The following ZNF385D variants were observed in gnomAD, a reference collection of about 807,000 sequenced individuals.
ZNF385D encodes zinc finger protein 659.
A neutral mutation model predicts 35.8 loss-of-function variants in ZNF385D; 15 were observed. The observed-to-expected ratio is 0.42, with a 90% confidence interval of 0.28 to 0.64. The LOEUF (loss-of-function observed/expected upper bound fraction) is 0.64, where lower values mean the gene tolerates loss of function less well. Among genes scored for constraint, ZNF385D ranks in the 30% least tolerant of loss-of-function variants. The pLI, the probability that ZNF385D is intolerant of heterozygous loss-of-function variation, is 0.23. For synonymous variants in ZNF385D, 212 were observed against 186.8 expected, an observed-to-expected ratio of 1.13 and a Z score of -1.10; for missense variants, 474 against 494.6, an observed-to-expected ratio of 0.96 and a Z score of 0.39.
chr3:21,686,006 G>A (rs1363330652), intron 1 of ZNF385D, among the ~76,000 whole-genome samples: 1 of 152,170 alleles, frequency 6.6e-6, no homozygotes, highest in Non-Finnish European at 1.5e-5. Flanking sequence ...GGTGGTCACA[G>A]ATGTCCAGCC....
chr3:22,214,105 G>C (rs147319440), intron 2 of ZNF385D, among the ~76,000 whole-genome samples: 2 of 152,044 alleles, frequency 1.3e-5, no homozygotes, highest in Non-Finnish European at 2.9e-5. Context: ...CATGGCAGAA[G>C]AACATGGATT....
intron 2 of ZNF385D, among the ~76,000 whole-genome samples, chr3:22,361,157 A>C (rs1696391375): frequency 6.6e-6 from 1 of 152,094 alleles, no homozygotes; most frequent in Non-Finnish European, 1.5e-5. Flanking sequence ...AAACAAATTC[A>C]TTGAATAACA....
chr3:22,293,624 A>G (rs1299667584), intron 2 of ZNF385D, among the ~76,000 whole-genome samples: 1 of 152,124 alleles, frequency 6.6e-6, no homozygotes, highest in East Asian at 1.9e-4. Flanking sequence ...ATTTTTTGGC[A>G]AAAGAATGCT....
chr3:21,778,442 T>G (rs1273027164), intron 3 of ZNF385D, among the ~76,000 whole-genome samples: 3 of 151,850 alleles, frequency 2.0e-5, no homozygotes, highest in Non-Finnish European at 4.4e-5. Flanking sequence ...CAAGTCCCAT[T>G]TCCTATTCAT....
At chr3:22,179,432 A>T (rs919406317) in intron 2 of ZNF385D, among the ~76,000 whole-genome samples, 1 of 152,252 alleles carries the variant, frequency 6.6e-6, no homozygotes, top group African/African-American at 2.4e-5. Flanking sequence ...TTGCACACTG[A>T]TTTTGTATCC....
chr3:21,462,097 G>A (rs574287383), intron 4 of ZNF385D, among the ~76,000 whole-genome samples: 9 of 152,156 alleles, frequency 5.9e-5, no homozygotes, highest in Non-Finnish European at 1.0e-4. Flanking sequence ...ATCATGTTCA[G>A]TAGCAAAACA....
At chr3:22,135,414 A>T (rs1704045336) in intron 3 of ZNF385D, among the ~76,000 whole-genome samples, 1 of 152,312 alleles carries the variant, frequency 6.6e-6, no homozygotes, top group African/African-American at 2.4e-5. Flanking sequence ...AATTTATAAT[A>T]GTTTCAAACA....
At chr3:21,711,212 T>C (rs2068095467) in intron 1 of ZNF385D, among the ~76,000 whole-genome samples, 1 of 151,656 alleles carries the variant, frequency 6.6e-6, no homozygotes, top group East Asian at 1.9e-4. Context: ...CGGCTAATTT[T>C]TGGTATTTTT....
chr3:21,774,736 T>G (rs931055323), intron 3 of ZNF385D, among the ~76,000 whole-genome samples: 1 of 151,892 alleles, frequency 6.6e-6, no homozygotes, highest in African/African-American at 2.4e-5. Context: ...AAGAATAACA[T>G]GATTTTGGCT....
At chr3:21,636,313 GATATAGAT>G (rs1162755927) in intron 2 of ZNF385D, among the ~76,000 whole-genome samples, 9 of 130,932 alleles carry the variant, frequency 6.9e-5, no homozygotes, top group African/African-American at 2.6e-4. Flanking sequence ...GAGATATATA[GATATAGAT>G]ATATAGATAT....
At chr3:21,450,952 T>C (rs2125278709) in intron 4 of ZNF385D, among the ~76,000 whole-genome samples, 1 of 152,300 alleles carries the variant, frequency 6.6e-6, no homozygotes, top group African/African-American at 2.4e-5. Context: ...TTTAATTAAC[T>C]TAAGTTGAAT....
At chr3:21,524,746 T>C (rs995151125) in intron 3 of ZNF385D, among the ~76,000 whole-genome samples, 1 of 152,094 alleles carries the variant, frequency 6.6e-6, no homozygotes, top group African/African-American at 2.4e-5. Context: ...GAGTTAAAAT[T>C]GTAGTGGATG....
rs557965678 is a variant in ZNF385D, at chr3:22,149,364, A to G, written c.325+19453T>C. ...AAGGTTAACTATGTTTGCACTAAAT[A>G]CATTACCTAAATTACCCTATTTAAT... On this transcript the variant is annotated intron_variant, in intron 3 of 5. Transcript: ENST00000494108. 2.6e-5 allele frequency among the ~76,000 whole-genome samples: 4 copies of G among 152,316 alleles called. No homozygotes were observed. The South Asian group carries it at 6.2e-4, about 24-fold the overall frequency.
Position 21,539,890 on chromosome 3 carries a change from A to G in ZNF385D, c.276+24684T>C, listed in dbSNP as rs888870822. ...GATTTTGAGCAATTGATTTTAAAAT[A>G]TTTACTTCTCTATGTCTTTTTAAAC... On this transcript the variant is annotated intron_variant, in intron 3 of 7. Coordinates refer to ENST00000281523, the MANE Select transcript of ZNF385D (RefSeq NM_024697.3). This position sits in a 1 kb window ranked among gnomAD's most constrained non-coding sequence, Gnocchi z 4.0. Among the ~76,000 whole-genome samples the G allele has an allele frequency of 1.2e-4, 19 of 152,108 alleles. No individual in the cohort carries two copies. The highest frequency in any genetic ancestry group is 2.5e-4 in the Non-Finnish European group (17 of 68,000).
intron 4 of ZNF385D, among the ~76,000 whole-genome samples, chr3:21,439,081 C>T (rs879504765): frequency 9.2e-5 from 14 of 151,764 alleles, no homozygotes; most frequent in South Asian, 2.1e-4. Flanking sequence ...AGCTAATTTG[C>T]GAAGTGTTTT....
chr3:21,462,358 T>C (rs148778816), intron 4 of ZNF385D, among the ~76,000 whole-genome samples: 1 of 152,236 alleles, frequency 6.6e-6, no homozygotes, highest in African/African-American at 2.4e-5. Context: ...TAGAACCAAC[T>C]GAAAGAGAGA....
chr3:22,298,717 A>AT (rs1473970559), intron 2 of ZNF385D, among the ~76,000 whole-genome samples: 2 of 150,890 alleles, frequency 1.3e-5, no homozygotes, highest in Non-Finnish European at 3.0e-5. Flanking sequence ...ACCAAAAAAA[A>AT]AAAATAAAAT....
chr3:22,062,979 C>A (rs912456986), intron 3 of ZNF385D, among the ~76,000 whole-genome samples: 1 of 152,152 alleles, frequency 6.6e-6, no homozygotes, highest in African/African-American at 2.4e-5. Flanking sequence ...AAGCCAGAAC[C>A]ACCCAAACAA....
intron 2 of ZNF385D, among the ~76,000 whole-genome samples, chr3:22,371,296 G>A (rs1040650213): frequency 1.3e-5 from 2 of 152,158 alleles, no homozygotes; most frequent in African/African-American, 4.8e-5. Context: ...TCACAGACCA[G>A]CTAGCAAACA....
Sources: gnomAD v4.1 joint callset for allele counts (sites outside exome capture counted in the v4.1 genomes callset) on GRCh38, gnomAD v4.1.1 for gene constraint, Gnocchi (gnomAD v3.1) non-coding constraint, MANE v1.5 for transcripts, NCBI Gene and HGNC (gene_info 2026-07-23, HGNC 2026-07-21) for gene names.